Variants in PAK3 observed in about 807,000 individuals in gnomAD.
PAK3 encodes serine/threonine-protein kinase PAK 3.
A neutral mutation model predicts 41.0 loss-of-function variants in PAK3; 4 were observed. The observed-to-expected ratio is 0.10, with a 90% CI of 0.05 to 0.22. The LOEUF is 0.22. Among genes scored for constraint, PAK3 ranks in the 10% least tolerant of loss-of-function variants. The pLI is 1.00. For synonymous variants in PAK3, 146 were observed against 139.6 expected (o/e 1.05, Z -0.32); for missense variants, 205 against 409.9 (o/e 0.50, Z 4.32).
At chrX:110,980,503 A>G (rs1268950718) in intron 1 of PAK3, among the ~76,000 whole-genome samples, 1 of 111,692 alleles carries the variant, frequency 9.0e-6, no homozygotes, top group Admixed American at 9.5e-5. Context: ...GTCATGGAAT[A>G]TTCTGCTTTT....
At chrX:111,027,769 AAG>A (rs2092290538) in intron 1 of PAK3, among the ~76,000 whole-genome samples, 1 of 110,499 alleles carries the variant, frequency 9.0e-6, no homozygotes, top group Admixed American at 9.8e-5. Context: ...AGATTCCTTA[AAG>A]AAGTAAAAGT....
chrX:110,972,054 G>C (rs931232771), intron 1 of PAK3, among the ~76,000 whole-genome samples: 2 of 110,909 alleles, frequency 1.8e-5, no homozygotes, highest in South Asian at 3.8e-4. Context: ...AGGTATGTAT[G>C]TGTATATATA....
chrX:111,192,717 A>C (rs905621350), intron 13 of PAK3, 99 bp downstream of exon 13: 107 of 514,753 alleles, frequency 2.1e-4, no homozygotes, highest in Non-Finnish European at 2.9e-4. Flanking sequence ...AACATTCTGC[A>C]AATATTTCTC....
intron 4 of PAK3, among the ~76,000 whole-genome samples, chrX:111,119,404 G>C (rs1194835956): frequency 8.9e-6 from 1 of 112,050 alleles, no homozygotes; most frequent in Non-Finnish European, 1.9e-5. Context: ...GTCTCTAAAA[G>C]AAAAATGAAT....
chrX:111,069,805 G>A (rs773689309), intron 1 of PAK3, among the ~76,000 whole-genome samples: 1 of 111,105 alleles, frequency 9.0e-6, no homozygotes, highest in East Asian at 2.8e-4. Context: ...TCCCCCAAGT[G>A]GACTCCAGAA....
At chrX:111,133,697 A>C (rs1159650) in intron 5 of PAK3, among the ~76,000 whole-genome samples, 1 of 111,369 alleles carries the variant, frequency 9.0e-6, no homozygotes, top group Non-Finnish European at 1.9e-5. Context: ...GAACTAGTCA[A>C]ACTATGTGTT....
chrX:111,169,479 CAG>C (rs979278437), intron 10 of PAK3: 8 of 112,536 alleles, frequency 7.1e-5, no homozygotes, highest in Non-Finnish European at 3.7e-5. Flanking sequence ...ATATTAAGTA[CAG>C]AGAGAGAGAG....
intron 1 of PAK3, among the ~76,000 whole-genome samples, chrX:111,034,824 G>A (rs2092377170): frequency 9.0e-6 from 1 of 111,029 alleles, no homozygotes. Flanking sequence ...ATGGTGGCTG[G>A]GCGCAGTGGC....
intron 16 of PAK3, among the ~76,000 whole-genome samples, chrX:111,197,994 C>T (rs975451383): frequency 8.9e-6 from 1 of 111,957 alleles, no homozygotes; most frequent in African/African-American, 3.2e-5. Context: ...CAAACCTAGC[C>T]CCTTTTTGAC....
At chrX:111,175,894 G>A (rs1043489035) in intron 11 of PAK3, among the ~76,000 whole-genome samples, 1 of 111,600 alleles carries the variant, frequency 9.0e-6, no homozygotes, top group African/African-American at 3.3e-5. Flanking sequence ...TGAAAAAATC[G>A]AAGCATAAAT....
At chrX:111,027,871 T>C (rs751492167) in intron 1 of PAK3, among the ~76,000 whole-genome samples, 2 of 109,307 alleles carry the variant, frequency 1.8e-5, no homozygotes, top group Non-Finnish European at 3.8e-5. Flanking sequence ...TTCATACACA[T>C]GTTTATAGCA....
At chrX:111,170,277 T>G (rs1319570651) in intron 10 of PAK3, among the ~76,000 whole-genome samples, 1 of 110,865 alleles carries the variant, frequency 9.0e-6, no homozygotes, top group Non-Finnish European at 1.9e-5. Context: ...TACTGACTGA[T>G]AGTGGAAATA....
intron 1 of PAK3, among the ~76,000 whole-genome samples, chrX:111,017,346 G>A (rs915963272): frequency 3.9e-4 from 44 of 111,525 alleles, no homozygotes; most frequent in African/African-American, 1.4e-3. Flanking sequence ...AGAGTTTATA[G>A]CTAGATCGAC....
intron 1 of PAK3, among the ~76,000 whole-genome samples, chrX:111,038,670 C>T (rs970538398): frequency 5.4e-5 from 6 of 111,899 alleles, no homozygotes; most frequent in Non-Finnish European, 9.4e-5. Context: ...CTGTGTTGAC[C>T]TTAGGCAAGT....
chrX:110,974,830 C>T (rs1454956036), intron 1 of PAK3, among the ~76,000 whole-genome samples: 1 of 111,712 alleles, frequency 9.0e-6, no homozygotes. Context: ...AAACATAATC[C>T]ATCACATAAA....
At chrX:110,991,893 A>G (rs999721550) in intron 1 of PAK3, among the ~76,000 whole-genome samples, 1 of 111,785 alleles carries the variant, frequency 8.9e-6, no homozygotes, top group Admixed American at 9.5e-5. Context: ...AAAAAAACAC[A>G]CAGGACAGGC....
At chrX:111,085,324 T>A (rs1461143388) in intron 1 of PAK3, among the ~76,000 whole-genome samples, 1 of 112,025 alleles carries the variant, frequency 8.9e-6, no homozygotes, top group African/African-American at 3.2e-5. Flanking sequence ...ACCTCCAGCC[T>A]TTTAAATCAA....
chrX:111,117,203 G>A (rs1310693967), intron 4 of PAK3, among the ~76,000 whole-genome samples: 1 of 112,040 alleles, frequency 8.9e-6, no homozygotes, highest in Non-Finnish European at 1.9e-5. Flanking sequence ...CATGAAGTGG[G>A]TTGAAATGAA....
intron 1 of PAK3, among the ~76,000 whole-genome samples, chrX:110,964,898 G>T (rs1179838954): frequency 9.0e-6 from 1 of 111,531 alleles, no homozygotes; most frequent in African/African-American, 3.3e-5. Flanking sequence ...TGGCTGGCTG[G>T]CTGGTTGGCG....
Sources: allele counts gnomAD v4.1 joint callset (sites outside exome capture counted in the v4.1 genomes callset), GRCh38; gene constraint gnomAD v4.1.1; transcripts MANE v1.5; gene names NCBI Gene and HGNC (gene_info 2026-07-23, HGNC 2026-07-21).